Variants in REPS2 observed in about 807,000 individuals in gnomAD.
REPS2 encodes the protein RALBP1 associated Eps domain containing 2.
In REPS2, 23 loss-of-function variants were observed where a neutral mutation model predicts 53.6. The observed-to-expected ratio is 0.43, with a 90% CI of 0.31 to 0.61. The LOEUF is 0.61. Ranked by LOEUF, REPS2 falls within the 20% of genes least tolerant of loss-of-function variation. The pLI is 0.11. For missense variants in REPS2, 446 were observed against 534.9 expected, an observed-to-expected ratio of 0.83 and a Z score of 1.64; for synonymous variants, 238 against 218.6, an observed-to-expected ratio of 1.09 and a Z score of -0.78.
intron 2 of REPS2, among the ~76,000 whole-genome samples, chrX:17,013,073 C>T (rs1341320792): frequency 8.9e-6 from 1 of 112,310 alleles, no homozygotes; most frequent in Non-Finnish European, 1.9e-5. Flanking sequence ...TAGGGACTTT[C>T]GGCAAGGTGA....
intron 1 of REPS2, among the ~76,000 whole-genome samples, chrX:16,994,735 T>A (rs767577664): frequency 9.0e-6 from 1 of 111,356 alleles, no homozygotes; most frequent in African/African-American, 3.3e-5. Flanking sequence ...GATGAGTACC[T>A]CAAAATCTCA....
At chrX:17,183,681 A>G in the REPS2 span, among the ~76,000 whole-genome samples, 11 of 112,089 alleles carry the variant, frequency 9.8e-5, no homozygotes, top group Non-Finnish European at 2.1e-4. Flanking sequence ...TAATTCTACA[A>G]TCCATCCTCC....
At chrX:17,144,610 G>A (rs530462269) in intron 17 of REPS2, among the ~76,000 whole-genome samples, 1 of 112,221 alleles carries the variant, frequency 8.9e-6, no homozygotes, top group Admixed American at 9.4e-5. Flanking sequence ...TATAGTCATA[G>A]CCCCTCAATT....
At chrX:17,106,920 CA>C (rs1461606227) in intron 14 of REPS2, among the ~76,000 whole-genome samples, 1 of 111,797 alleles carries the variant, frequency 8.9e-6, no homozygotes, top group African/African-American at 3.3e-5. Flanking sequence ...ACCAAAAGAG[CA>C]TGGTACTGGT....
intron 9 of REPS2, among the ~76,000 whole-genome samples, chrX:17,066,678 C>T (rs1439361227): frequency 8.9e-6 from 1 of 112,112 alleles, no homozygotes. Context: ...TTGAGACCAT[C>T]CTGGCTAACA....
chrX:16,968,735 C>T (rs1462963608), intron 1 of REPS2, among the ~76,000 whole-genome samples: 24 of 93,731 alleles, frequency 2.6e-4, no homozygotes, highest in Admixed American at 4.4e-4. Context: ...GGCGGCCGGC[C>T]GGGCAGAGGG....
intron 13 of REPS2, among the ~76,000 whole-genome samples, chrX:17,081,461 A>C (rs2062454326): frequency 8.9e-6 from 1 of 112,947 alleles, no homozygotes; most frequent in African/African-American, 3.2e-5. Context: ...AGTAGGTGGC[A>C]TTAATGCCTT....
At chrX:17,096,906 G>A (rs1347216434) in intron 13 of REPS2, among the ~76,000 whole-genome samples, 2 of 111,024 alleles carry the variant, frequency 1.8e-5, no homozygotes, top group Non-Finnish European at 3.8e-5. Context: ...AGCTCTTGAA[G>A]GAGAGGGGAG....
intron 1 of REPS2, among the ~76,000 whole-genome samples, chrX:16,987,518 T>C (rs1014902044): frequency 8.9e-6 from 1 of 112,607 alleles, no homozygotes; most frequent in Non-Finnish European, 1.9e-5. Flanking sequence ...TGCCTTGTAT[T>C]TTAATACTAT....
At chrX:16,984,455 G>C (rs768171391) in intron 1 of REPS2, among the ~76,000 whole-genome samples, 4 of 112,059 alleles carry the variant, frequency 3.6e-5, no homozygotes, top group South Asian at 7.5e-4. Flanking sequence ...ACACAACCCT[G>C]ATATAATGTG....
At chrX:16,962,849 T>G (rs2060683128) in intron 1 of REPS2, among the ~76,000 whole-genome samples, 1 of 112,446 alleles carries the variant, frequency 8.9e-6, no homozygotes, top group Non-Finnish European at 1.9e-5. Context: ...AATACCAGCA[T>G]TTTGGGAGGC....
chrX:17,003,796 T>A (rs1256913950), intron 1 of REPS2, among the ~76,000 whole-genome samples: 1 of 111,916 alleles, frequency 8.9e-6, no homozygotes, highest in Non-Finnish European at 1.9e-5. Context: ...GGAAAGAAAG[T>A]ATTATTTCAG....
At chrX:17,192,674 A>C in the REPS2 span, among the ~76,000 whole-genome samples, 4 of 111,901 alleles carry the variant, frequency 3.6e-5, no homozygotes, top group African/African-American at 9.7e-5. Flanking sequence ...TACAAACCCT[A>C]AGTGGTTTAC....
Position 17,149,733 on chromosome X carries a change from G to T in REPS2, c.*2252G>T, listed in dbSNP as rs1324604187. ...ACATATGCTCTCAGTTGGGATAGCA[G>T]TTCATTTCCATTAGGCAGACGTATA... On this transcript the variant is annotated 3_prime_UTR_variant, in exon 18 of 18. Transcript: ENST00000357277. 1 of 112,207 alleles carries T rather than the reference G, an allele frequency of 8.9e-6. No individual in the cohort carries two copies. Among genetic ancestry groups the T allele is most frequent in the African/African-American group, 3.2e-5 (1 of 30,884 alleles). 9.2% of individuals were successfully genotyped at this position (112,207 alleles called of 1,213,427 possible).
chrX:16,962,794 A>G (rs1351354858), intron 1 of REPS2, among the ~76,000 whole-genome samples: 1 of 112,267 alleles, frequency 8.9e-6, no homozygotes, highest in Non-Finnish European at 1.9e-5. Context: ...ATGCCATAAA[A>G]ATAGCTATAT....
intron 1 of REPS2, among the ~76,000 whole-genome samples, chrX:16,958,490 A>G (rs1165601625): frequency 8.9e-6 from 1 of 111,941 alleles, no homozygotes; most frequent in African/African-American, 3.2e-5. Context: ...TTGAGGCACG[A>G]AGGGACTAGC....
At chrX:17,043,812 G>A (rs1437423656) in intron 5 of REPS2, among the ~76,000 whole-genome samples, 1 of 112,889 alleles carries the variant, frequency 8.9e-6, no homozygotes, top group East Asian at 2.8e-4. Flanking sequence ...CCCACACAAG[G>A]CTGCCAGGCC....
chrX:17,015,129 T>A (rs1174558890), intron 2 of REPS2, among the ~76,000 whole-genome samples: 2 of 113,190 alleles, frequency 1.8e-5, no homozygotes, highest in Non-Finnish European at 3.7e-5. Flanking sequence ...AGGGAATCCC[T>A]TATCAAACAT....
intron 1 of REPS2, among the ~76,000 whole-genome samples, chrX:16,959,606 A>G (rs1454573929): frequency 9.0e-6 from 1 of 111,724 alleles, no homozygotes. Flanking sequence ...ATGGCCAAGC[A>G]TTAGTTTTGC....
Sources: allele counts gnomAD v4.1 joint callset (sites outside exome capture counted in the v4.1 genomes callset), GRCh38; gene constraint gnomAD v4.1.1; transcripts MANE v1.5; gene names NCBI Gene and HGNC (gene_info 2026-07-23, HGNC 2026-07-21).